Variants in LRP2 observed in about 807,000 individuals in gnomAD.
LRP2 encodes LDL receptor related protein 2.
Under a neutral mutation model 531.0 loss-of-function variants are expected in LRP2, and 172 were observed. That is an observed-to-expected ratio of 0.32 (90% CI 0.29 to 0.37). The LOEUF (loss-of-function observed/expected upper bound fraction) is 0.37, where lower values mean the gene tolerates loss of function less well. LRP2 is among the 10% of genes least tolerant of loss of function. LRP2 has a pLI of 1.00. For synonymous variants in LRP2, 1,992 were observed against 2,027.6 expected (o/e 0.98, Z 0.47); for missense variants, 5,167 against 5,868.3 (o/e 0.88, Z 3.90).
chr2:169,279,996 A>G (rs1420378448), intron 11 of LRP2, among the ~76,000 whole-genome samples: 5 of 152,228 alleles, frequency 3.3e-5, no homozygotes, highest in Admixed American at 6.5e-5. Flanking sequence ...TCTGATTTTT[A>G]TCATCCAGAA....
chr2:169,285,983 CA>C (rs1189929498), intron 9 of LRP2, among the ~76,000 whole-genome samples: 1 of 152,170 alleles, frequency 6.6e-6, no homozygotes, highest in African/African-American at 2.4e-5. Flanking sequence ...TATAGCCATA[CA>C]GAGAGTATTT....
chr2:169,145,336 AG>A (rs755690633), intron 70 of LRP2, among the ~76,000 whole-genome samples: 3 of 152,168 alleles, frequency 2.0e-5, no homozygotes, highest in Non-Finnish European at 4.4e-5. Flanking sequence ...TACATATCTC[AG>A]GTTGACCTGA....
At chr2:169,320,198 C>A (rs830975) in intron 2 of LRP2, among the ~76,000 whole-genome samples, 9,046 of 152,238 alleles carry the variant, frequency 0.059, 375 homozygotes, top group Non-Finnish European at 0.088. Flanking sequence ...AACTAAATGA[C>A]AAAATGAATG....
intron 75 of LRP2, among the ~76,000 whole-genome samples, chr2:169,137,831 G>A (rs777019227): frequency 6.6e-6 from 1 of 151,922 alleles, no homozygotes; most frequent in Non-Finnish European, 1.5e-5. Context: ...AAAGGATAAT[G>A]GTGGAAGAAG....
intron 63 of LRP2, among the ~76,000 whole-genome samples, 182 bp from the exon 64 acceptor site, chr2:169,157,684 T>C (rs755635760): frequency 7.9e-5 from 12 of 152,020 alleles, no homozygotes; most frequent in Non-Finnish European, 1.2e-4. Flanking sequence ...GATCGTGATC[T>C]GAATACCATT....
At chr2:169,139,520 T>C in intron 73 of LRP2, 23 bp downstream of exon 73, 1 of 1,613,742 alleles carries the variant, frequency 6.2e-7, no homozygotes, top group Non-Finnish European at 8.5e-7. Context: ...AATTTCCAAG[T>C]TGCTCACATT....
At chr2:169,243,313 T>G in intron 23 of LRP2, 90 bp downstream of exon 23, 3 of 1,465,436 alleles carry the variant, frequency 2.0e-6, no homozygotes, top group Non-Finnish European at 2.8e-6. Flanking sequence ...CAGGCCCCGG[T>G]GTGTGATGTT....
intron 1 of LRP2, among the ~76,000 whole-genome samples, chr2:169,345,533 T>C (rs534749238): frequency 6.6e-6 from 1 of 151,260 alleles, no homozygotes; most frequent in South Asian, 2.1e-4. Context: ...CACAAGGGAG[T>C]TAGTGGGGGT....
Position 169,138,667 on chromosome 2 carries a change from C to T in LRP2, c.13428G>A (p.Gly4476=). Residue 4476 remains glycine (G), a synonymous_variant, in exon 75 of 79, where the codon GGG becomes GGA. Coordinates refer to ENST00000649046, the MANE Select transcript of LRP2 (RefSeq NM_004525.3). The part of the protein sequence containing the change: ...SLVKPSENGN[G]VTFRSGADLN... Reference sequence around the variant, plus strand: ...GATCTGCCCCTGATCTGAAGGTCACCCCATTCCCATTTTCAGAGGGCTTGA... The same window carrying T: ...GATCTGCCCCTGATCTGAAGGTCACTCCATTCCCATTTTCAGAGGGCTTGA... 1.2e-6 allele frequency: 2 copies of T among 1,614,000 alleles called. No individual in the cohort carries two copies. The highest frequency in any genetic ancestry group is 2.2e-5 in the South Asian group (2 of 91,064).
In LRP2 at chr2:169,202,824, G is replaced by A. The variant is rs774369141; in HGVS notation, c.8141C>T (p.Ser2714Leu). The change falls in exon 43 of 79, where the codon TCG (serine) becomes TTG (leucine). Residue 2714 changes from serine to leucine, a missense_variant. By Grantham distance (145) the Ser-to-Leu change is moderately radical. Transcript: ENST00000649046. ...GTCATTATCACACTTCCACTCTTCC[G>A]AGATGCAGCGCCCATTGGAGCAGGT... ...SFTCSNGRCI[S>L]EEWKCDNDND... 29 of 1,613,948 alleles carry A rather than the reference G, an allele frequency of 1.8e-5. No homozygotes were observed. Among genetic ancestry groups the A allele is most frequent in the Admixed American group, 8.3e-5 (5 of 59,994 alleles).
chr2:169,269,834 G>A (rs1017228953), intron 16 of LRP2, among the ~76,000 whole-genome samples: 2 of 152,152 alleles, frequency 1.3e-5, no homozygotes, highest in African/African-American at 2.4e-5. Flanking sequence ...CAGAATAGGA[G>A]AAAATTTTTA....
rs1205081778 is a variant in LRP2 at position 169,127,567 on chromosome 2, TAAAG to T, written c.*1092_*1095del. On this transcript the variant is annotated 3_prime_UTR_variant, in exon 79 of 79. Coordinates refer to ENST00000649046, the MANE Select transcript of LRP2 (RefSeq NM_004525.3). The stretch of plus-strand genomic sequence containing the variant: ...AAAAAAAAAAAAAACCAATAAGAAT[TAAAG>T]AAAAGATCTGGACTGTACAGTACAT... The T allele has an allele frequency of 1.6e-5, 2 of 127,436 alleles. No homozygotes were observed. Among genetic ancestry groups the T allele is most frequent in the African/African-American group, 5.9e-5 (2 of 33,726 alleles). 7.9% of individuals were successfully genotyped at this position (127,436 alleles called of 1,614,324 possible). A position where few individuals can be genotyped will look rare whatever the true frequency, so the allele number is the denominator to read the frequency against.
Position 169,176,470 on chromosome 2 carries a change from G to A in LRP2, c.10512C>T (p.Gly3504=), listed in dbSNP as rs757173572. 3 of 1,614,168 alleles carry A rather than the reference G, an allele frequency of 1.9e-6. No individual in the cohort carries two copies. Among genetic ancestry groups the A allele is most frequent in the Non-Finnish European group, 2.5e-6 (3 of 1,180,022 alleles). The change falls in exon 54 of 79, where the codon GGC becomes GGT. Residue 3504 remains glycine (G), a synonymous_variant. Transcript: ENST00000649046. The stretch of plus-strand genomic sequence containing the variant: ...AGCACATGGGCATGCAGTAGGTGCT[G>A]CCACTCAGCTGAAGGGTGCGGAAGT... ...PDDFRTLQLS[G]STYCMPMCSS...
chr2:169,204,409 G>T (rs1688307790), intron 41 of LRP2, 138 bp from the exon 42 acceptor site: 1 of 800,810 alleles, frequency 1.2e-6, no homozygotes, highest in African/African-American at 1.7e-5. Context: ...ATGGCAGCTG[G>T]AAATGTTTCT....
At chr2:169,185,152 A>G (rs1474720277) in intron 50 of LRP2, among the ~76,000 whole-genome samples, 1 of 152,130 alleles carries the variant, frequency 6.6e-6, no homozygotes, top group African/African-American at 2.4e-5. Flanking sequence ...GCTTGTCATC[A>G]CGCTGGGCAT....
At chr2:169,321,737 C>G (rs903677183) in intron 1 of LRP2, among the ~76,000 whole-genome samples, 2 of 151,904 alleles carry the variant, frequency 1.3e-5, no homozygotes, top group African/African-American at 4.8e-5. Flanking sequence ...AACCAAAGAG[C>G]CAAAAACAAA....
At chr2:169,307,161 T>G in intron 4 of LRP2, 120 bp downstream of exon 4, 2 of 761,306 alleles carry the variant, frequency 2.6e-6, no homozygotes, top group Non-Finnish European at 4.8e-6. Flanking sequence ...GCCAAGAGAT[T>G]GCAATAACAA....
At chr2:169,160,404 C>T (rs972311200) in intron 63 of LRP2, among the ~76,000 whole-genome samples, 11 of 150,928 alleles carry the variant, frequency 7.3e-5, no homozygotes, top group Admixed American at 3.3e-4. Flanking sequence ...TTTAAAAAAT[C>T]GAACAATGTG....
chr2:169,268,673 T>C (rs1683306071), intron 16 of LRP2, among the ~76,000 whole-genome samples: 1 of 152,214 alleles, frequency 6.6e-6, no homozygotes. Flanking sequence ...ACTGGAAGCA[T>C]TCCCTTTGAA....
Sources: gnomAD v4.1 joint callset for allele counts (sites outside exome capture counted in the v4.1 genomes callset) on GRCh38, gnomAD v4.1.1 for gene constraint, MANE v1.5 for transcripts, NCBI Gene and HGNC (gene_info 2026-07-23, HGNC 2026-07-21) for gene names.